Variants in PHKG1 observed in about 807,000 individuals in gnomAD.
The protein encoded by PHKG1 is phosphorylase kinase catalytic subunit gamma 1, also known as phosphorylase b kinase gamma catalytic chain, skeletal muscle/heart isoform.
PHKG1 carries 48 observed loss-of-function variants against 50.5 expected under a neutral mutation model. That is an observed-to-expected ratio of 0.95 (90% CI 0.75 to 1.21). The LOEUF (loss-of-function observed/expected upper bound fraction) is 1.21. Among genes scored for constraint, PHKG1 ranks in the 50% most tolerant of loss-of-function variants. The probability of loss-of-function intolerance (pLI) is 0.00; values close to 1 mark genes in which losing one functional copy is unlikely to be tolerated. For synonymous variants in PHKG1, 204 were observed against 212.8 expected, an observed-to-expected ratio of 0.96 and a Z score of 0.36; for missense variants, 487 against 519.5, an observed-to-expected ratio of 0.94 and a Z score of 0.61.
At chr7:56,082,596 A>G (rs67818657) in intron 6 of PHKG1, among the ~76,000 whole-genome samples, 28,337 of 151,758 alleles carry the variant, frequency 0.19, 2,839 homozygotes, top group African/African-American at 0.24. Flanking sequence ...TGTTTCAAAA[A>G]AAAAAGAGAG....
At chr7:56,090,041 A>T (rs545148440) in intron 1 of PHKG1, among the ~76,000 whole-genome samples, 1 of 151,582 alleles carries the variant, frequency 6.6e-6, no homozygotes, top group Non-Finnish European at 1.5e-5. Context: ...CTGAAAACAC[A>T]CCCCCTTCTA....
At chr7:56,086,074 G>T (rs1449951315) in intron 4 of PHKG1, among the ~76,000 whole-genome samples, 1 of 151,236 alleles carries the variant, frequency 6.6e-6, no homozygotes, top group East Asian at 2.0e-4. Context: ...CTGGTCTTTG[G>T]TGCTGACCGA....
Position 56,080,356 on chromosome 7 carries a change from T to G in PHKG1, c.*698A>C, listed in dbSNP as rs903670469. ...ACGGCTCACTCTAGCCTTGAATTCC[T>G]GGGCCCAAGCAATTCTCCCACCTCA... is the stretch of plus-strand genomic sequence containing the variant. On this transcript the variant is annotated 3_prime_UTR_variant, in exon 10 of 10. Transcript: ENST00000297373. 6.5e-6 allele frequency: 1 copy of G among 153,364 alleles called. No homozygotes were observed. Among genetic ancestry groups the G allele is most frequent in the African/African-American group, 2.5e-5 (1 of 40,448 alleles). The allele number at this position is 153,364 out of a possible 1,614,324, so 9.5% of individuals were successfully genotyped here.
Position 56,082,317 on chromosome 7 carries a change from C to T in PHKG1, c.548-64G>A. 2.3e-6 allele frequency: 3 copies of T among 1,277,092 alleles called. No homozygotes were observed. In the South Asian group the frequency reaches 3.7e-5, roughly 16 times the overall value. 79.1% of individuals were successfully genotyped at this position (1,277,092 alleles called of 1,614,324 possible). A position where few individuals can be genotyped will look rare whatever the true frequency, so the allele number is the denominator to read the frequency against. ...ACTCAGAAGAGGAAGTCCAGGCTGG[C>T]CGCAGTGGCTCATTTCTATAATCCT... On this transcript the variant is annotated intron_variant, in intron 6 of 9. Transcript: ENST00000297373.
In PHKG1 at chr7:56,087,069, A is replaced by G. The variant is rs753247425; in HGVS notation, c.263-45T>C. On this transcript the variant is annotated intron_variant, in intron 3 of 9. Transcript: ENST00000297373. Reference sequence around the variant, plus strand: ...CTTGTCTCAAGTAGCAGGGGAGCCCAGGCAGGGGCAGCCGGGGCACGGGGG... The same window carrying G: ...CTTGTCTCAAGTAGCAGGGGAGCCCGGGCAGGGGCAGCCGGGGCACGGGGG... The G allele has an allele frequency of 2.6e-6, 4 of 1,511,040 alleles. No individual in the cohort carries two copies. In the Admixed American group the frequency reaches 5.0e-5, roughly 19 times the overall value. 93.6% of individuals were successfully genotyped at this position (1,511,040 alleles called of 1,614,324 possible). A position where few individuals can be genotyped will look rare whatever the true frequency, so the allele number is the denominator to read the frequency against.
rs1795964137 is a variant in PHKG1 at position 56,081,203 on chromosome 7, C to T, written c.1015G>A (p.Ala339Thr). ...ATGAGCCGGCGCAGAGGCCGGAGGG[C>T]ATAGGGGTCTCGGATGACGATCTCC... The part of the protein sequence containing the change: ...TREIVIRDPY[A>T]LRPLRRLIDA... The change falls in exon 10 of 10, where the codon GCC becomes ACC. Residue 339 changes from alanine (A) to threonine (T), a missense_variant. Coordinates refer to ENST00000297373, the MANE Select transcript of PHKG1 (RefSeq NM_006213.5). The surrounding 1 kb of genome is among the most constrained non-coding windows in gnomAD (Gnocchi z 4.6). 1 of 1,613,950 alleles carries T rather than the reference C, an allele frequency of 6.2e-7. No individual in the cohort carries two copies. The highest frequency in any genetic ancestry group is 8.5e-7 in the Non-Finnish European group (1 of 1,179,970).
At chr7:56,091,242 C>T (rs1189170062) in intron 1 of PHKG1, among the ~76,000 whole-genome samples, 1 of 151,246 alleles carries the variant, frequency 6.6e-6, no homozygotes, top group Non-Finnish European at 1.5e-5. Context: ...ACAGGCTGGG[C>T]GCAGTGGCTC....
At position 56,087,619 on chromosome 7, in the gene PHKG1, C is replaced by G; in HGVS notation, c.241G>C (p.Val81Leu). The change falls in exon 3 of 10, where the codon GTC (valine) becomes CTC (leucine). Residue 81 changes from valine to leucine, a missense_variant. Coordinates refer to ENST00000297373, the MANE Select transcript of PHKG1 (RefSeq NM_006213.5). ...TLKEVDILRK[V>L]SGHPNIIQLK... ...TCACTGATGTTGGGGTGCCCTGAGACCTTGCGCAGGATGTCCACCTCCTTC... is the reference window on the plus strand; with the variant it reads ...TCACTGATGTTGGGGTGCCCTGAGAGCTTGCGCAGGATGTCCACCTCCTTC... 1 of 1,613,798 alleles carries G rather than the reference C, an allele frequency of 6.2e-7. No homozygotes were observed. The highest frequency in any genetic ancestry group is 8.5e-7 in the Non-Finnish European group (1 of 1,179,926).
At chr7:56,088,781 G>T in intron 2 of PHKG1, 78 bp downstream of exon 2, 1 of 944,090 alleles carries the variant, frequency 1.1e-6, no homozygotes, top group Non-Finnish European at 1.7e-6. Flanking sequence ...AGTACTCGGG[G>T]TGGAGCAGAG....
At chr7:56,083,613 T>A in intron 5 of PHKG1, 37 bp downstream of exon 5, 1 of 1,553,420 alleles carries the variant, frequency 6.4e-7, no homozygotes. Context: ...CTAAGCCACG[T>A]GGGAGGGAGC....
intron 1 of PHKG1, 69 bp from the exon 2 acceptor site, chr7:56,089,044 C>A: frequency 1.4e-6 from 1 of 707,368 alleles, no homozygotes; most frequent in South Asian, 1.6e-5. Flanking sequence ...GGGTCTGGAA[C>A]TGTTTCTCAC....
intron 2 of PHKG1, among the ~76,000 whole-genome samples, chr7:56,088,066 C>T (rs112501056): frequency 0.2 from 24,430 of 122,442 alleles, 2,512 homozygotes; most frequent in African/African-American, 0.26. Context: ...GACGGAGTCT[C>T]GCTCTATTGC....
At chr7:56,088,776 T>C in intron 2 of PHKG1, 83 bp downstream of exon 2, 1 of 884,660 alleles carries the variant, frequency 1.1e-6, no homozygotes, top group Non-Finnish European at 1.8e-6. Context: ...GCGTTAGTAC[T>C]CGGGGTGGAG....
chr7:56,086,826 G>T, intron 4 of PHKG1, 144 bp downstream of exon 4: 1 of 695,490 alleles, frequency 1.4e-6, no homozygotes, highest in South Asian at 1.7e-5. Context: ...TGACCCCAGG[G>T]GCTGATCTGT....
chr7:56,082,638 C>G (rs948389068), intron 6 of PHKG1, among the ~76,000 whole-genome samples: 2 of 151,938 alleles, frequency 1.3e-5, no homozygotes, highest in Non-Finnish European at 2.9e-5. Context: ...GATGATGGAA[C>G]AGAAATGGCG....
At chr7:56,083,611 C>A (rs763930417) in intron 5 of PHKG1, 39 bp downstream of exon 5, 1 of 1,551,390 alleles carries the variant, frequency 6.4e-7, no homozygotes, top group East Asian at 2.3e-5. Flanking sequence ...CCCTAAGCCA[C>A]GTGGGAGGGA....
rs1796305270 is a variant in PHKG1 at position 56,087,469 on chromosome 7, G to T, written c.262+129C>A. On this transcript the variant is annotated intron_variant, in intron 3 of 9. Coordinates refer to ENST00000297373, the MANE Select transcript of PHKG1 (RefSeq NM_006213.5). Reference sequence around the variant, plus strand: ...GACCCCTTCTATCAGAGCAGTGAGGGTGGAGCTGGGAGCCTTGAGCCTGGG... The same window carrying T: ...GACCCCTTCTATCAGAGCAGTGAGGTTGGAGCTGGGAGCCTTGAGCCTGGG... The T allele has an allele frequency of 2.1e-5, 17 of 798,618 alleles. 2 individuals carry two copies. The South Asian group carries it at 2.8e-4, about 13-fold the overall frequency. 49.5% of individuals were successfully genotyped at this position (798,618 alleles called of 1,614,324 possible).
intron 4 of PHKG1, 117 bp downstream of exon 4, chr7:56,086,853 T>G (rs1796272614): frequency 1.2e-6 from 1 of 819,660 alleles, no homozygotes; most frequent in Non-Finnish European, 2.2e-6. Context: ...ACCGTGATTG[T>G]ATTTGGCATC....
chr7:56,080,583 CA>C lies in PHKG1; in HGVS notation c.*470del. 5.7e-6 allele frequency: 1 copy of C among 176,564 alleles called. No individual in the cohort carries two copies. Among genetic ancestry groups the C allele is most frequent in the Non-Finnish European group, 1.2e-5 (1 of 82,886 alleles). 10.9% of individuals were successfully genotyped at this position (176,564 alleles called of 1,614,324 possible). A position where few individuals can be genotyped will look rare whatever the true frequency, so the allele number is the denominator to read the frequency against. Reference sequence around the variant, plus strand: ...CTGGGCCCCCTTCTCCATATGCCTCCAAAAACATGTCCCTGGAGAGTAGCCT... The same window carrying C: ...CTGGGCCCCCTTCTCCATATGCCTCCAAAACATGTCCCTGGAGAGTAGCCT... On this transcript the variant is annotated 3_prime_UTR_variant, in exon 10 of 10. Coordinates refer to ENST00000297373, the MANE Select transcript of PHKG1 (RefSeq NM_006213.5).
Sources: gnomAD v4.1 joint callset for allele counts (sites outside exome capture counted in the v4.1 genomes callset) on GRCh38, gnomAD v4.1.1 for gene constraint, Gnocchi (gnomAD v3.1) non-coding constraint, MANE v1.5 for transcripts, NCBI Gene and HGNC (gene_info 2026-07-23, HGNC 2026-07-21) for gene names.